The following RCAN1 variants were observed in gnomAD, a reference collection of about 807,000 sequenced individuals.
RCAN1 encodes calcipressin-1.
A neutral mutation model predicts 22.9 loss-of-function variants in RCAN1; 11 were observed. That is an observed-to-expected ratio of 0.48 (90% CI 0.30 to 0.79). The LOEUF (loss-of-function observed/expected upper bound fraction) is 0.79. Ranked by LOEUF, RCAN1 falls within the 30% of genes least tolerant of loss-of-function variation. The pLI is 0.06. For synonymous variants in RCAN1, 136 were observed against 142.3 expected, an observed-to-expected ratio of 0.96 and a Z score of 0.32; for missense variants, 291 against 337.8, an observed-to-expected ratio of 0.86 and a Z score of 1.09.
intron 1 of RCAN1, among the ~76,000 whole-genome samples, chr21:34,587,642 T>C (rs1987843738): frequency 6.6e-6 from 1 of 152,214 alleles, no homozygotes; most frequent in Admixed American, 6.5e-5. Context: ...AGATTGTTAC[T>C]GCAGCATTAT....
At chr21:34,577,335 T>C (rs907895940) in intron 1 of RCAN1, among the ~76,000 whole-genome samples, 1 of 152,126 alleles carries the variant, frequency 6.6e-6, no homozygotes, top group African/African-American at 2.4e-5. Context: ...TGGTGGCACG[T>C]GCCTATAATC....
At chr21:34,574,971 T>A (rs1039687930) in intron 1 of RCAN1, among the ~76,000 whole-genome samples, 1 of 152,194 alleles carries the variant, frequency 6.6e-6, no homozygotes, top group African/African-American at 2.4e-5. Context: ...CAAGTGTTAA[T>A]CACCTAAATG....
At chr21:34,541,837 G>C (rs772603451) in intron 1 of RCAN1, among the ~76,000 whole-genome samples, 89 of 152,274 alleles carry the variant, frequency 5.8e-4, no homozygotes, top group Non-Finnish European at 1.0e-3. Context: ...GGGAGGCTGA[G>C]GCAGGAGAAT....
At chr21:34,555,943 G>A (rs987423228) in intron 1 of RCAN1, among the ~76,000 whole-genome samples, 2 of 151,630 alleles carry the variant, frequency 1.3e-5, no homozygotes. Flanking sequence ...GGTGCCTGTC[G>A]TCTCAGCTAC....
At chr21:34,534,381 G>A (rs886533919) in intron 1 of RCAN1, among the ~76,000 whole-genome samples, 3 of 151,878 alleles carry the variant, frequency 2.0e-5, no homozygotes, top group Non-Finnish European at 2.9e-5. Flanking sequence ...CCAACTAAGT[G>A]TTCTTTCCCA....
At chr21:34,547,039 G>A (rs114106689) in intron 1 of RCAN1, among the ~76,000 whole-genome samples, 3 of 152,328 alleles carry the variant, frequency 2.0e-5, no homozygotes, top group African/African-American at 7.2e-5. Flanking sequence ...GGTCTCCAGT[G>A]AGTAAGACAG....
chr21:34,567,922 A>G (rs980866088), intron 1 of RCAN1, among the ~76,000 whole-genome samples: 1 of 152,220 alleles, frequency 6.6e-6, no homozygotes, highest in Non-Finnish European at 1.5e-5. Context: ...ATATTTCCCT[A>G]TGTTCCTTCT....
chr21:34,599,275 T>C (rs1299775005), intron 1 of RCAN1, among the ~76,000 whole-genome samples: 1 of 152,192 alleles, frequency 6.6e-6, no homozygotes, highest in East Asian at 1.9e-4. Context: ...TGAGTTGTGT[T>C]ATGTTCTAAT....
At chr21:34,594,762 C>T (rs892988869) in intron 1 of RCAN1, among the ~76,000 whole-genome samples, 8 of 152,272 alleles carry the variant, frequency 5.3e-5, no homozygotes, top group South Asian at 2.1e-4. Context: ...GGTGTTGCAT[C>T]GGAATCCCAA....
intron 1 of RCAN1, among the ~76,000 whole-genome samples, chr21:34,595,454 AG>A (rs559056751): frequency 3.5e-4 from 54 of 152,350 alleles, no homozygotes; most frequent in African/African-American, 1.3e-3. Flanking sequence ...TTCTGAATCA[AG>A]CTAAGTTTGA....
chr21:34,574,731 G>T lies in RCAN1; in HGVS notation c.252+40029C>A, dbSNP rs147554705. 1.5e-3 allele frequency among the ~76,000 whole-genome samples: 228 copies of T among 152,362 alleles called. 1 individual carries two copies. Among genetic ancestry groups the T allele is most frequent in the Non-Finnish European group, 2.8e-3 (192 of 68,024 alleles). On this transcript the variant is annotated intron_variant, in intron 1 of 3. Transcript: ENST00000313806. ...ACGTGACATGAAATGATTTTCAGCAGTTGTTTGAGTGTAAACACGGAGTGT... is the reference window on the plus strand; with the variant it reads ...ACGTGACATGAAATGATTTTCAGCATTTGTTTGAGTGTAAACACGGAGTGT...
chr21:34,587,964 A>G (rs1377557368), intron 1 of RCAN1, among the ~76,000 whole-genome samples: 2 of 152,298 alleles, frequency 1.3e-5, no homozygotes, highest in East Asian at 3.9e-4. Flanking sequence ...GAAAGAAGGA[A>G]TCTGCAGCAG....
intron 1 of RCAN1, among the ~76,000 whole-genome samples, chr21:34,555,391 G>T (rs918404101): frequency 1.3e-5 from 2 of 152,048 alleles, no homozygotes; most frequent in Admixed American, 1.3e-4. Context: ...CAAATGAAAT[G>T]ATATGATGCC....
chr21:34,524,801 T>C (rs1829313488), intron 1 of RCAN1, among the ~76,000 whole-genome samples: 1 of 152,024 alleles, frequency 6.6e-6, no homozygotes, highest in South Asian at 2.1e-4. Context: ...AAGCTTAGGT[T>C]GCTCAGGGGA....
chr21:34,518,113 G>T lies in RCAN1; in HGVS notation c.730C>A (p.Pro244Thr). The T allele has an allele frequency of 1.2e-6, 2 of 1,614,170 alleles. No individual in the cohort carries two copies. Among genetic ancestry groups the T allele is most frequent in the Non-Finnish European group, 1.7e-6 (2 of 1,180,038 alleles). ...PKPKIIQTRRPEYTPIHLS is the reference protein window; with the variant it reads ...PKPKIIQTRRTEYTPIHLS ...CTGAGGTGGATCGGCGTGTACTCCG[G>T]CCTCCTGGTCTGGATAATTTTTGGC... The change falls in exon 4 of 4, where the codon CCG (proline) becomes ACG (threonine). Residue 244 changes from proline (P) to threonine (T), a missense_variant. Physicochemically the swap from Pro to Thr is conservative, Grantham distance 38. Coordinates refer to ENST00000313806, the MANE Select transcript of RCAN1 (RefSeq NM_004414.7). The surrounding 1 kb of genome is among the most constrained non-coding windows in gnomAD (Gnocchi z 4.2).
intron 1 of RCAN1, among the ~76,000 whole-genome samples, chr21:34,544,879 G>A (rs1485297287): frequency 6.6e-6 from 1 of 152,220 alleles, no homozygotes; most frequent in African/African-American, 2.4e-5. Context: ...GGTAGTGAGG[G>A]CACCTTGTGG....
In RCAN1 at chr21:34,566,835, CGA is replaced by C. The variant is rs1987025406; in HGVS notation, c.253-43127_253-43126del. Among the ~76,000 whole-genome samples the C allele has an allele frequency of 2.0e-5, 3 of 152,162 alleles. No homozygotes were observed. The East Asian group carries it at 5.8e-4, about 29-fold the overall frequency. ...GCGTGTCACATGGCAAGAGAAAGAG[CGA>C]GAGAGGAGGAGGTGCCAGGCTCCTT... is the stretch of plus-strand genomic sequence containing the variant. On this transcript the variant is annotated intron_variant, in intron 1 of 3. Transcript: ENST00000313806.
rs1984049532 is a variant in RCAN1 at position 34,516,515 on chromosome 21, T to C, written c.*1569A>G. On this transcript the variant is annotated 3_prime_UTR_variant, in exon 4 of 4. Coordinates refer to ENST00000313806, the MANE Select transcript of RCAN1 (RefSeq NM_004414.7). Reference sequence around the variant, plus strand: ...GTAAGGAGCATACTGTGCCCATTTATTATAGAATGCAGTTAAAAAAAATAT... The same window carrying C: ...GTAAGGAGCATACTGTGCCCATTTACTATAGAATGCAGTTAAAAAAAATAT... 1 of 152,238 alleles carries C rather than the reference T, an allele frequency of 6.6e-6. No homozygotes were observed. Among genetic ancestry groups the C allele is most frequent in the Non-Finnish European group, 1.5e-5 (1 of 68,048 alleles). 9.4% of individuals were successfully genotyped at this position (152,238 alleles called of 1,614,324 possible). A position where few individuals can be genotyped will look rare whatever the true frequency, so the allele number is the denominator to read the frequency against.
chr21:34,548,677 A>C (rs1016090936), intron 1 of RCAN1, among the ~76,000 whole-genome samples: 1 of 152,254 alleles, frequency 6.6e-6, no homozygotes, highest in Non-Finnish European at 1.5e-5. Flanking sequence ...CCTGCTTAAC[A>C]TAAGAAATAT....
Sources: allele counts gnomAD v4.1 joint callset (sites outside exome capture counted in the v4.1 genomes callset), GRCh38; gene constraint gnomAD v4.1.1; non-coding constraint Gnocchi (gnomAD v3.1); transcripts MANE v1.5; gene names NCBI Gene and HGNC (gene_info 2026-07-23, HGNC 2026-07-21).